The following FAM184A variants were observed in gnomAD, a reference collection of about 807,000 sequenced individuals.
FAM184A encodes the protein family with sequence similarity 184 member A, also known as protein FAM184A.
Under a neutral mutation model 143.8 loss-of-function variants are expected in FAM184A, and 99 were observed. That is an observed-to-expected ratio of 0.69 (90% CI 0.58 to 0.81). FAM184A has a LOEUF of 0.81. FAM184A is among the 40% of genes least tolerant of loss of function. The pLI, the probability that FAM184A is intolerant of heterozygous loss-of-function variation, is 0.00. For missense variants in FAM184A, 1,217 were observed against 1,310.5 expected, an observed-to-expected ratio of 0.93 and a Z score of 1.10; for synonymous variants, 427 against 446.4, an observed-to-expected ratio of 0.96 and a Z score of 0.55.
At chr6:119,087,270 G>A (rs972914212) in intron 1 of FAM184A, among the ~76,000 whole-genome samples, 12 of 152,028 alleles carry the variant, frequency 7.9e-5, no homozygotes, top group Admixed American at 3.9e-4. Context: ...ACTTTTATGC[G>A]TCAAAAGATA....
chr6:119,109,210 A>T (rs1328933635), intron 1 of FAM184A, among the ~76,000 whole-genome samples: 3 of 152,168 alleles, frequency 2.0e-5, no homozygotes, highest in Admixed American at 2.0e-4. Flanking sequence ...ATTTGCTCTT[A>T]TGCTAATGTG....
chr6:119,014,647 T>A (rs1785183686), intron 5 of FAM184A, among the ~76,000 whole-genome samples: 1 of 152,234 alleles, frequency 6.6e-6, no homozygotes, highest in Non-Finnish European at 1.5e-5. Flanking sequence ...TTATGGCTTA[T>A]ATGAAGTAGC....
chr6:119,080,765 G>A (rs996577581), upstream of FAM184A, among the ~76,000 whole-genome samples: 2 of 152,166 alleles, frequency 1.3e-5, no homozygotes, highest in Non-Finnish European at 2.9e-5. Context: ...GAGCATTTTA[G>A]ATTTTGAGTT....
intron 1 of FAM184A, among the ~76,000 whole-genome samples, chr6:119,058,175 C>CTTTTTT (rs5879483): frequency 4.5e-5 from 4 of 89,712 alleles, no homozygotes; most frequent in African/African-American, 5.6e-5. Context: ...CTCCTTCTCT[C>CTTTTTT]TTTTTTTTTT....
chr6:119,051,963 G>A (rs895448338), intron 1 of FAM184A, among the ~76,000 whole-genome samples: 33 of 152,158 alleles, frequency 2.2e-4, no homozygotes, highest in African/African-American at 4.8e-4. Flanking sequence ...AGCCATTGGA[G>A]GCCCAGGTTC....
intron 1 of FAM184A, among the ~76,000 whole-genome samples, chr6:119,109,548 G>T (rs934261501): frequency 1.3e-5 from 2 of 152,164 alleles, no homozygotes; most frequent in Non-Finnish European, 2.9e-5. Context: ...CTTTAGCTAT[G>T]TATACAGAGC....
intron 1 of FAM184A, among the ~76,000 whole-genome samples, chr6:119,087,530 A>G (rs1282901134): frequency 1.3e-5 from 2 of 152,238 alleles, no homozygotes; most frequent in African/African-American, 2.4e-5. Flanking sequence ...CAAAGCCACA[A>G]TGAGATACCA....
intron 1 of FAM184A, among the ~76,000 whole-genome samples, chr6:119,114,147 G>T (rs1379282087): frequency 6.6e-6 from 1 of 152,122 alleles, no homozygotes; most frequent in Non-Finnish European, 1.5e-5. Flanking sequence ...GAACTTATCT[G>T]CCATGAATAA....
chr6:119,128,180 G>A (rs1053514107), intron 1 of FAM184A, among the ~76,000 whole-genome samples: 4 of 152,184 alleles, frequency 2.6e-5, no homozygotes, highest in African/African-American at 9.7e-5. Context: ...AGGTTTGGCT[G>A]CTAACCCCTG....
chr6:119,088,690 A>G (rs2114817001), intron 1 of FAM184A, among the ~76,000 whole-genome samples: 1 of 152,310 alleles, frequency 6.6e-6, no homozygotes, highest in African/African-American at 2.4e-5. Context: ...TCTTAGGAAC[A>G]TTCAGTATTT....
At chr6:119,131,661 AT>A (rs1036298827) in intron 1 of FAM184A, among the ~76,000 whole-genome samples, 26 of 151,480 alleles carry the variant, frequency 1.7e-4, no homozygotes, top group African/African-American at 5.5e-4. Flanking sequence ...AATTTAAAAA[AT>A]TTTTTTTTTG....
At chr6:119,065,889 T>C (rs1787435512) in intron 1 of FAM184A, among the ~76,000 whole-genome samples, 1 of 152,216 alleles carries the variant, frequency 6.6e-6, no homozygotes, top group Non-Finnish European at 1.5e-5. Context: ...CCAAGGGTGA[T>C]CTATTTAAGA....
At chr6:118,974,365 G>A in intron 14 of FAM184A, 63 bp downstream of exon 14, 7 of 1,467,174 alleles carry the variant, frequency 4.8e-6, no homozygotes, top group Non-Finnish European at 6.5e-6. Flanking sequence ...CTAATCTGAG[G>A]TTAAACACAG....
At chr6:118,987,583 T>C (rs1199899603) in intron 9 of FAM184A, among the ~76,000 whole-genome samples, 1 of 152,204 alleles carries the variant, frequency 6.6e-6, no homozygotes, top group Non-Finnish European at 1.5e-5. Context: ...TTTACTCTAT[T>C]TTGCTTTTCA....
intron 1 of FAM184A, among the ~76,000 whole-genome samples, chr6:119,077,297 A>AT (rs1787910229): frequency 6.6e-6 from 1 of 152,186 alleles, no homozygotes; most frequent in Non-Finnish European, 1.5e-5. Context: ...GAGACAGCTT[A>AT]AACACATTAA....
chr6:119,102,368 G>A (rs1024001665), intron 1 of FAM184A, among the ~76,000 whole-genome samples: 3 of 152,062 alleles, frequency 2.0e-5, no homozygotes, highest in African/African-American at 4.8e-5. Flanking sequence ...ATGAGAAGGA[G>A]GCCTGTGCTT....
In FAM184A at chr6:118,990,956, G is replaced by A. The variant is rs567848810; in HGVS notation, c.2089-10606C>T. ...CCAGAAAACATCCTAAGTGCAGGGT[G>A]AGATACAGAGTTGAGTAAGATGTAT... On this transcript the variant is annotated intron_variant, in intron 9 of 17. Coordinates refer to ENST00000338891, the MANE Select transcript of FAM184A (RefSeq NM_024581.6). 8.6e-5 allele frequency among the ~76,000 whole-genome samples: 13 copies of A among 152,022 alleles called. 1 individual carries two copies. The highest frequency in any genetic ancestry group is 2.9e-4 in the African/African-American group (12 of 41,476).
At chr6:119,145,371 C>T (rs1481094162) in intron 1 of FAM184A, among the ~76,000 whole-genome samples, 1 of 152,152 alleles carries the variant, frequency 6.6e-6, no homozygotes, top group African/African-American at 2.4e-5. Context: ...CTTACCCACA[C>T]TTCTGCAAAT....
At chr6:119,032,739 A>G (rs1785938871) in intron 1 of FAM184A, among the ~76,000 whole-genome samples, 1 of 152,234 alleles carries the variant, frequency 6.6e-6, no homozygotes, top group Non-Finnish European at 1.5e-5. Flanking sequence ...TACATGAGGC[A>G]AAAGGTAGCT....
Sources: gnomAD v4.1 joint callset for allele counts (sites outside exome capture counted in the v4.1 genomes callset) on GRCh38, gnomAD v4.1.1 for gene constraint, MANE v1.5 for transcripts, NCBI Gene and HGNC (gene_info 2026-07-23, HGNC 2026-07-21) for gene names.